Variants in CYP8B1 observed in about 807,000 individuals in gnomAD.
The protein encoded by CYP8B1 is 7-alpha-hydroxycholest-4-en-3-one 12-alpha-hydroxylase.
For missense variants in CYP8B1, 594 were observed against 643.7 expected, an observed-to-expected ratio of 0.92 and a Z score of 0.84; for synonymous variants, 221 against 251.2, an observed-to-expected ratio of 0.88 and a Z score of 1.14.
Position 42,874,149 on chromosome 3 carries a change from A to C in CYP8B1, c.*162T>G. 1.6e-6 allele frequency: 1 copy of C among 617,356 alleles called. No homozygotes were observed. The highest frequency in any genetic ancestry group is 2.8e-6 in the Non-Finnish European group (1 of 353,064). The allele number at this position is 617,356 out of a possible 1,614,324, so 38.2% of individuals were successfully genotyped here. A position where few individuals can be genotyped will look rare whatever the true frequency, so the allele number is the denominator to read the frequency against. ...AAGAGAATGATAAGCCTGTCAGATGACTAGGCGGGGAGAGAGCGAGGACAG... is the reference window on the plus strand; with the variant it reads ...AAGAGAATGATAAGCCTGTCAGATGCCTAGGCGGGGAGAGAGCGAGGACAG... On this transcript the variant is annotated 3_prime_UTR_variant, in exon 1 of 1. Coordinates refer to ENST00000316161, the MANE Select transcript of CYP8B1 (RefSeq NM_004391.3).
chr3:42,874,741 AACCTG>A lies in CYP8B1; in HGVS notation c.1071_1075del (p.Arg358GlyfsTer3). 1 of 1,614,102 alleles carries A rather than the reference AACCTG, an allele frequency of 6.2e-7. No individual in the cohort carries two copies. Among genetic ancestry groups the A allele is most frequent in the Non-Finnish European group, 8.5e-7 (1 of 1,180,018 alleles). On this transcript the variant is annotated frameshift_variant, in exon 1 of 1. Coordinates refer to ENST00000316161, the MANE Select transcript of CYP8B1 (RefSeq NM_004391.3). LOFTEE classifies it low-confidence loss of function (END_TRUNC). The stretch of plus-strand genomic sequence containing the variant: ...CTTCAGGGTATAGTCTTCATGAACC[AACCTG>A]AGGAGGGTGGGTGCAGCCCTCAGCC...
At position 42,874,328 on chromosome 3, in the gene CYP8B1, G is replaced by A; in HGVS notation, c.1489C>T (p.Leu497=). 1.9e-6 allele frequency: 3 copies of A among 1,613,936 alleles called. No individual in the cohort carries two copies. The highest frequency in any genetic ancestry group is 2.5e-6 in the Non-Finnish European group (3 of 1,179,926). The change falls in exon 1 of 1, where the codon CTG becomes TTG. Residue 497 remains leucine, a synonymous_variant. Coordinates refer to ENST00000316161, the MANE Select transcript of CYP8B1 (RefSeq NM_004391.3). The stretch of plus-strand genomic sequence containing the variant: ...GGCCAAGCTCACTCTGTAGGATGCA[G>A]GCGGTAGCGGAAGCGCACATCGTGG... ...PSHDVRFRYR[L]HPTE
chr3:42,875,715 A>T lies in CYP8B1; in HGVS notation c.102T>A (p.Pro34=). Residue 34 remains proline, a synonymous_variant, in exon 1 of 1, where the codon CCT becomes CCA. Transcript: ENST00000316161. ...MLRQRRPWEP[P]LDKGTVPWLG... ...GCCAGGGCACGGTACCCTTGTCCAG[A>T]GGGGGCTCCCATGGCCTGCGTTGTC... 6.8e-7 allele frequency: 1 copy of T among 1,471,644 alleles called. No homozygotes were observed. The highest frequency in any genetic ancestry group is 9.0e-7 in the Non-Finnish European group (1 of 1,112,136). 91.2% of individuals were successfully genotyped at this position (1,471,644 alleles called of 1,614,324 possible).
At position 42,874,637 on chromosome 3, in the gene CYP8B1, G is replaced by C. The variant is rs1447409170; in HGVS notation, c.1180C>G (p.Pro394Ala). The C allele has an allele frequency of 6.2e-7, 1 of 1,614,096 alleles. No individual in the cohort carries two copies. Among genetic ancestry groups the C allele is most frequent in the Non-Finnish European group, 8.5e-7 (1 of 1,180,020 alleles). ...LFPYLSVHMD[P>A]DIHPEPTVFK... is the part of the protein sequence containing the mutation. Reference sequence around the variant, plus strand: ...ACGGTGGGCTCAGGGTGGATGTCAGGGTCCATGTGCACTGAGAGGTAGGGA... The same window carrying C: ...ACGGTGGGCTCAGGGTGGATGTCAGCGTCCATGTGCACTGAGAGGTAGGGA... The change falls in exon 1 of 1, where the codon CCT (proline) becomes GCT (alanine). Residue 394 changes from proline (P) to alanine (A), a missense_variant. Transcript: ENST00000316161.
In CYP8B1 at chr3:42,875,691, C is replaced by T. The variant is rs1182439066; in HGVS notation, c.126G>A (p.Trp42Ter). 1.3e-6 allele frequency: 2 copies of T among 1,495,308 alleles called. No individual in the cohort carries two copies. The highest frequency in any genetic ancestry group is 1.4e-5 in the African/African-American group (1 of 70,660). The allele number at this position is 1,495,308 out of a possible 1,614,324, so 92.6% of individuals were successfully genotyped here. The change falls in exon 1 of 1, where the codon TGG becomes TGA. Residue 42 changes from tryptophan to a stop codon, truncating the protein, a stop_gained. Transcript: ENST00000316161. LOFTEE classifies it low-confidence loss of function (END_TRUNC). ...TCCGGAAAGCCATGGCATGGCCAAG[C>T]CAGGGCACGGTACCCTTGTCCAGAG... ...EPPLDKGTVP[W>*]LGHAMAFRKN...
In CYP8B1 at chr3:42,872,265, G is replaced by A. The variant is rs540953129; in HGVS notation, c.*2046C>T. On this transcript the variant is annotated 3_prime_UTR_variant, in exon 1 of 1. Transcript: ENST00000316161. ...TGAATAAAATACCATGCCCCAGTAG[G>A]CTCCAGTCTAGGGAAGTGGGCAGCA... The A allele has an allele frequency of 6.6e-6, 1 of 152,382 alleles. No individual in the cohort carries two copies. The highest frequency in any genetic ancestry group is 1.9e-4 in the East Asian group (1 of 5,186). The allele number at this position is 152,382 out of a possible 1,614,324, so 9.4% of individuals were successfully genotyped here.
In CYP8B1 at chr3:42,874,413, AG is replaced by A. The variant is rs1373649678; in HGVS notation, c.1403del (p.Pro468LeufsTer91). ...VTHFDLELVD[P>X]DTPLPHVDPQ... ...GGTCAACATGGGGTAGTGGTGTGTC[AG>A]GGTCCACCAACTCTAAGTCAAAGTG... On this transcript the variant is annotated frameshift_variant, in exon 1 of 1. Coordinates refer to ENST00000316161, the MANE Select transcript of CYP8B1 (RefSeq NM_004391.3). LOFTEE classifies it low-confidence loss of function (END_TRUNC). 2.5e-6 allele frequency: 4 copies of A among 1,614,150 alleles called. No individual in the cohort carries two copies. In the South Asian group the frequency reaches 4.4e-5, roughly 18 times the overall value.
chr3:42,872,305 CACAGAAAGCAACGACACATA>C lies in CYP8B1; in HGVS notation c.*1986_*2005del, dbSNP rs1190121858. On this transcript the variant is annotated 3_prime_UTR_variant, in exon 1 of 1. Transcript: ENST00000316161. ...AGTGGGCAGCAGGCAGAAACCAAGA[CACAGAAAGCAACGACACATA>C]ACAGATATGCTATGATACAAATGGT... 5 of 152,494 alleles carry C rather than the reference CACAGAAAGCAACGACACATA, an allele frequency of 3.3e-5. No homozygotes were observed. In the East Asian group the frequency reaches 9.6e-4, roughly 29 times the overall value. 9.4% of individuals were successfully genotyped at this position (152,494 alleles called of 1,614,324 possible).
In CYP8B1 at chr3:42,875,401, A is replaced by G. The variant is rs1310938599; in HGVS notation, c.416T>C (p.Leu139Pro). ...KHLRGDGLKD[L>P]NETMLDSLSF... Reference sequence around the variant, plus strand: ...CAGGCTGTCCAGCATGGTCTCATTAAGATCCTTCAAGCCATCCCCCCTCAG... The same window carrying G: ...CAGGCTGTCCAGCATGGTCTCATTAGGATCCTTCAAGCCATCCCCCCTCAG... The change falls in exon 1 of 1, where the codon CTT becomes CCT. Residue 139 changes from leucine (L) to proline (P), a missense_variant. Transcript: ENST00000316161. 2.5e-6 allele frequency: 4 copies of G among 1,613,954 alleles called. No homozygotes were observed. Among genetic ancestry groups the G allele is most frequent in the Admixed American group, 1.7e-5 (1 of 59,996 alleles).
rs771857190 is a variant in CYP8B1 at position 42,874,765 on chromosome 3, C to G, written c.1052G>C (p.Arg351Thr). Reference sequence around the variant, plus strand: ...CAACCTGAGGAGGGTGGGTGCAGCCCTCAGCCGCAGCGTCTCCTCCACCAC... The same window carrying G: ...CAACCTGAGGAGGGTGGGTGCAGCCGTCAGCCGCAGCGTCTCCTCCACCAC... ...DSVVEETLRL[R>T]AAPTLLRLVH... The change falls in exon 1 of 1, where the codon AGG becomes ACG. Residue 351 changes from arginine to threonine, a missense_variant. Physicochemically the swap from Arg to Thr is moderately conservative, Grantham distance 71. Transcript: ENST00000316161. 3 of 1,614,106 alleles carry G rather than the reference C, an allele frequency of 1.9e-6. No individual in the cohort carries two copies. In the Admixed American group the frequency reaches 5.0e-5, roughly 27 times the overall value.
In CYP8B1 at chr3:42,874,959, G is replaced by C; in HGVS notation, c.858C>G (p.Asn286Lys). 1 of 1,613,378 alleles carries C rather than the reference G, an allele frequency of 6.2e-7. No individual in the cohort carries two copies. The highest frequency in any genetic ancestry group is 2.2e-5 in the East Asian group (1 of 44,856). Residue 286 changes from asparagine to lysine, a missense_variant, in exon 1 of 1, where the codon AAC becomes AAG. Asn to Lys is a moderately conservative substitution (Grantham distance 94). Transcript: ENST00000316161. ...GGGCCCAGAAAGAGGTAGGCCCCGTGTTCCCCTGGGAGGCCCAGAGCATCA... is the reference window on the plus strand; with the variant it reads ...GGGCCCAGAAAGAGGTAGGCCCCGTCTTCCCCTGGGAGGCCCAGAGCATCA... The part of the protein sequence containing the change: ...NFMMLWASQG[N>K]TGPTSFWALL...
rs933369618 is a variant in CYP8B1 at position 42,874,213 on chromosome 3, G to C, written c.*98C>G. On this transcript the variant is annotated 3_prime_UTR_variant, in exon 1 of 1. Transcript: ENST00000316161. ...AGGGGGTGCCACAGGACCAGAGGGA[G>C]GGGTGGCCAGTGGGGTCTTGGGGCT... The C allele has an allele frequency of 1.9e-5, 20 of 1,046,770 alleles. No homozygotes were observed. Among genetic ancestry groups the C allele is most frequent in the Non-Finnish European group, 2.6e-5 (19 of 718,830 alleles). 64.8% of individuals were successfully genotyped at this position (1,046,770 alleles called of 1,614,324 possible). A position where few individuals can be genotyped will look rare whatever the true frequency, so the allele number is the denominator to read the frequency against.
chr3:42,874,861 G>C lies in CYP8B1; in HGVS notation c.956C>G (p.Ala319Gly). 1 of 1,601,594 alleles carries C rather than the reference G, an allele frequency of 6.2e-7. No homozygotes were observed. Among genetic ancestry groups the C allele is most frequent in the South Asian group, 1.1e-5 (1 of 89,070 alleles). Residue 319 changes from alanine (A) to glycine (G), a missense_variant, in exon 1 of 1, where the codon GCC becomes GGC. Physicochemically the swap from Ala to Gly is moderately conservative, Grantham distance 60. Coordinates refer to ENST00000316161, the MANE Select transcript of CYP8B1 (RefSeq NM_004391.3). ...REEATQVLGE[A>G]RLETKQSFAF... ...AAAGGACTGCTTGGTCTCCAGCCTG[G>C]CCTCACCCAGGACCTGGGTAGCTTC...
rs563258352 is a variant in CYP8B1, at chr3:42,873,822, A to C, written c.*489T>G. 5 of 162,640 alleles carry C rather than the reference A, an allele frequency of 3.1e-5. No homozygotes were observed. In the East Asian group the frequency reaches 9.0e-4, roughly 29 times the overall value. The allele number at this position is 162,640 out of a possible 1,614,324, so 10.1% of individuals were successfully genotyped here. On this transcript the variant is annotated 3_prime_UTR_variant, in exon 1 of 1. Coordinates refer to ENST00000316161, the MANE Select transcript of CYP8B1 (RefSeq NM_004391.3). ...GTCTCAAAACAAACAAACAAAACCA[A>C]AAAACCCCACTACTCATGTAGCTTG...
At position 42,874,427 on chromosome 3, in the gene CYP8B1, C is replaced by CT; in HGVS notation, c.1389dup (p.Glu464ArgfsTer6). ...AGTGGTGTGTCAGGGTCCACCAACT[C>CT]TAAGTCAAAGTGTGTGACCATAAGC... On this transcript the variant is annotated frameshift_variant, in exon 1 of 1. Transcript: ENST00000316161. LOFTEE classifies it low-confidence loss of function (END_TRUNC). 1 of 1,614,142 alleles carries CT rather than the reference C, an allele frequency of 6.2e-7. No homozygotes were observed. Among genetic ancestry groups the CT allele is most frequent in the East Asian group, 2.2e-5 (1 of 44,876 alleles).
rs139423402 is a variant in CYP8B1, at chr3:42,874,593, G to A, written c.1224C>T (p.Phe408=). The change falls in exon 1 of 1, where the codon TTC becomes TTT. Residue 408 remains phenylalanine (F), a synonymous_variant. Transcript: ENST00000316161. ...CTTTCCGGCTGCCATTAGGGTTGAG[G>A]AAGCGATCGTACTTGAAGACGGTGG... The part of the protein sequence containing the change: ...PEPTVFKYDR[F]LNPNGSRKVD... 725 of 1,614,136 alleles carry A rather than the reference G, an allele frequency of 4.5e-4. No homozygotes were observed. Among genetic ancestry groups the A allele is most frequent in the Middle Eastern group, 1.3e-3 (8 of 6,062 alleles).
At position 42,872,928 on chromosome 3, in the gene CYP8B1, G is replaced by T. The variant is rs145745590; in HGVS notation, c.*1383C>A. ...GGGTTCAGATGCCAAGTTCTGCATT[G>T]GCCAAGCTGAGTCAGAGGTGCTGGG... On this transcript the variant is annotated 3_prime_UTR_variant, in exon 1 of 1. Coordinates refer to ENST00000316161, the MANE Select transcript of CYP8B1 (RefSeq NM_004391.3). The T allele has an allele frequency of 2.3e-3, 348 of 152,848 alleles. No homozygotes were observed. The highest frequency in any genetic ancestry group is 4.1e-3 in the Non-Finnish European group (284 of 68,522). The allele number at this position is 152,848 out of a possible 1,614,324, so 9.5% of individuals were successfully genotyped here.
Position 42,873,990 on chromosome 3 carries a change from C to T in CYP8B1, c.*321G>A, listed in dbSNP as rs1475154368. ...CCATGTTACTCGTGTCTGGGGGGAACCAGTCTCTGTACTCAGGACTTCTCA... is the reference window on the plus strand; with the variant it reads ...CCATGTTACTCGTGTCTGGGGGGAATCAGTCTCTGTACTCAGGACTTCTCA... On this transcript the variant is annotated 3_prime_UTR_variant, in exon 1 of 1. Transcript: ENST00000316161. The T allele has an allele frequency of 2.7e-5, 9 of 327,414 alleles. No homozygotes were observed. The highest frequency in any genetic ancestry group is 5.6e-6 in the Non-Finnish European group (1 of 177,260). 20.3% of individuals were successfully genotyped at this position (327,414 alleles called of 1,614,324 possible).
At position 42,875,622 on chromosome 3, in the gene CYP8B1, C is replaced by T. The variant is rs748737643; in HGVS notation, c.195G>A (p.Gly65=). The part of the protein sequence containing the change: ...EFLKRMRTKH[G]DVFTVQLGGQ... The stretch of plus-strand genomic sequence containing the variant: ...CCCCTAGCTGCACTGTGAACACATC[C>T]CCATGCTTGGTCCTCATGCGCTTCA... Residue 65 remains glycine, a synonymous_variant, in exon 1 of 1, where the codon GGG becomes GGA. Transcript: ENST00000316161. The T allele has an allele frequency of 2.7e-6, 4 of 1,488,162 alleles. No homozygotes were observed. In the South Asian group the frequency reaches 5.8e-5, roughly 22 times the overall value. The allele number at this position is 1,488,162 out of a possible 1,614,324, so 92.2% of individuals were successfully genotyped here.
Sources: gnomAD v4.1 joint callset for allele counts on GRCh38, gnomAD v4.1.1 for gene constraint, MANE v1.5 for transcripts, NCBI Gene and HGNC (gene_info 2026-07-23, HGNC 2026-07-21) for gene names.